Variants in PPFIA4 observed in about 807,000 individuals in gnomAD.
PPFIA4 encodes the protein liprin-alpha-4.
Under a neutral mutation model 145.7 loss-of-function variants are expected in PPFIA4, and 98 were observed. The observed-to-expected ratio is 0.67, with a 90% CI of 0.57 to 0.80. The LOEUF is 0.80. PPFIA4 is among the 30% of genes least tolerant of loss of function. PPFIA4 has a pLI of 0.00. For missense variants in PPFIA4, 1,457 were observed against 1,632.7 expected (o/e 0.89, Z 1.85); for synonymous variants, 628 against 649.6 (o/e 0.97, Z 0.51).
At chr1:203,063,715 C>T in intron 24 of PPFIA4, 113 bp from the exon 25 acceptor site, 1 of 1,055,696 alleles carries the variant, frequency 9.5e-7, no homozygotes, top group Non-Finnish European at 1.4e-6. Flanking sequence ...ACTGCCCTTC[C>T]TCCCTCATGG....
In PPFIA4 at chr1:203,045,508, C is replaced by A; in HGVS notation, c.807C>A (p.Asp269Glu). 1 of 1,607,704 alleles carries A rather than the reference C, an allele frequency of 6.2e-7. No homozygotes were observed. The highest frequency in any genetic ancestry group is 1.1e-5 in the South Asian group (1 of 89,860). The stretch of plus-strand genomic sequence containing the variant: ...AGGACCTGGGCACGGCCCGCCGGGA[C>A]CTCATCAAGTCGGAGGAGCTGAGCA... ...LEEDLGTARR[D>E]LIKSEELSSK... Residue 269 changes from aspartate (D) to glutamate (E), a missense_variant, in exon 7 of 30, where the codon GAC (aspartate) becomes GAA (glutamate). This residue lies in a region of PPFIA4 where 463 missense variants were observed against 459.8 expected (regional missense o/e 1.01). Transcript: ENST00000295706.
chr1:203,045,747 G>T lies in PPFIA4; in HGVS notation c.859-94G>T. 3.2e-6 allele frequency: 5 copies of T among 1,576,330 alleles called. No homozygotes were observed. In the South Asian group the frequency reaches 5.7e-5, roughly 18 times the overall value. On this transcript the variant is annotated intron_variant, in intron 7 of 29. Coordinates refer to ENST00000295706, the MANE Select transcript of PPFIA4 (RefSeq NM_001304331.2). ...GAGAGTGTAGCTCATGCCCCTTAAT[G>T]GGTTCCAATCAGCCAGGTGTGGGTG...
chr1:203,039,196 A>C lies in PPFIA4; in HGVS notation c.188A>C (p.His63Pro). 1.9e-6 allele frequency: 3 copies of C among 1,606,510 alleles called. No individual in the cohort carries two copies. Among genetic ancestry groups the C allele is most frequent in the Non-Finnish European group, 2.5e-6 (3 of 1,177,228 alleles). Residue 63 changes from histidine (H) to proline (P), a missense_variant, in exon 2 of 30, where the codon CAC (histidine) becomes CCC (proline). Physicochemically the swap from His to Pro is moderately conservative, Grantham distance 77. Coordinates refer to ENST00000295706, the MANE Select transcript of PPFIA4 (RefSeq NM_001304331.2). ...ATQSRLQDAI[H>P]ERDQLQRHLN... ...CAGAGCCGGCTCCAGGATGCCATAC[A>C]CGAGCGGGACCAGCTCCAGCGCCAC...
chr1:203,046,149 G>A (rs1307621572), intron 8 of PPFIA4, 99 bp from the exon 9 acceptor site: 24 of 1,539,390 alleles, frequency 1.6e-5, no homozygotes, highest in Non-Finnish European at 1.9e-5. Flanking sequence ...ATTGTCCCTT[G>A]CTGCTTCTGA....
In PPFIA4 at chr1:203,043,283, G is replaced by T; in HGVS notation, c.235-114G>T. On this transcript the variant is annotated intron_variant, in intron 2 of 29. Coordinates refer to ENST00000295706, the MANE Select transcript of PPFIA4 (RefSeq NM_001304331.2). This position sits in a 1 kb window ranked among gnomAD's most constrained non-coding sequence, Gnocchi z 4.4. Reference sequence around the variant, plus strand: ...AGTGTGGATGGATTGGGATTTTGTGGGGGAGGTGGTGGAAGTAAGGGATGG... The same window carrying T: ...AGTGTGGATGGATTGGGATTTTGTGTGGGAGGTGGTGGAAGTAAGGGATGG... 1.2e-6 allele frequency: 1 copy of T among 854,394 alleles called. No homozygotes were observed. The highest frequency in any genetic ancestry group is 1.9e-6 in the Non-Finnish European group (1 of 529,908). The allele number at this position is 854,394 out of a possible 1,614,324, so 52.9% of individuals were successfully genotyped here.
chr1:203,049,962 C>T (rs1008912681), intron 13 of PPFIA4, among the ~76,000 whole-genome samples, 195 bp downstream of exon 13: 5 of 152,164 alleles, frequency 3.3e-5, no homozygotes, highest in Admixed American at 2.0e-4. Context: ...ACCTGTCCTC[C>T]GAGGGCTGCT....
chr1:203,044,590 T>C lies in PPFIA4; in HGVS notation c.577-106T>C, dbSNP rs2102632826. 4 of 1,398,050 alleles carry C rather than the reference T, an allele frequency of 2.9e-6. No homozygotes were observed. The South Asian group carries it at 5.5e-5, about 19-fold the overall frequency. 86.6% of individuals were successfully genotyped at this position (1,398,050 alleles called of 1,614,324 possible). ...TAGGCAAGGCTAGGCTGAGCACCTC[T>C]TTCTAGGAGACATTTTTTAACTAAG... On this transcript the variant is annotated intron_variant, in intron 5 of 29. Coordinates refer to ENST00000295706, the MANE Select transcript of PPFIA4 (RefSeq NM_001304331.2).
intron 28 of PPFIA4, among the ~76,000 whole-genome samples, chr1:203,073,361 G>A (rs1398885612): frequency 6.6e-6 from 1 of 152,194 alleles, no homozygotes; most frequent in Admixed American, 6.5e-5. Context: ...TCCAGACATT[G>A]GGGTGGAGTT....
chr1:203,033,139 CT>C lies in PPFIA4; in HGVS notation c.-399-5470del. The stretch of plus-strand genomic sequence containing the variant: ...TATACTTCTCAGAACTGTTTCATGT[CT>C]GTTACCTCTTTGAGCCTCATGACAA... On this transcript the variant is annotated intron_variant, in intron 1 of 29. Transcript: ENST00000295706. 2.0e-5 allele frequency among the ~76,000 whole-genome samples: 3 copies of C among 152,308 alleles called. No homozygotes were observed. In the South Asian group the frequency reaches 6.2e-4, roughly 32 times the overall value.
Position 203,056,278 on chromosome 1 carries a change from C to T in PPFIA4, c.2107-97C>T, listed in dbSNP as rs1476150670. ...ACTCAGAGAGGCACCCAGGGCCTCC[C>T]CACTGCATTTCTCCATGCTCCGCCA... On this transcript the variant is annotated intron_variant, in intron 17 of 29. Transcript: ENST00000295706. 9.4e-6 allele frequency: 15 copies of T among 1,598,012 alleles called. No individual in the cohort carries two copies. In the East Asian group the frequency reaches 3.1e-4, roughly 33 times the overall value.
chr1:203,061,557 T>C (rs2270543), intron 23 of PPFIA4, 95 bp from the exon 24 acceptor site: 693,610 of 1,273,080 alleles, frequency 0.54, 191,083 homozygotes, highest in South Asian at 0.6. Flanking sequence ...GATACTGGGA[T>C]GTCTTTTTCC....
chr1:203,042,433 T>C (rs950483869), intron 2 of PPFIA4, among the ~76,000 whole-genome samples: 2 of 152,180 alleles, frequency 1.3e-5, no homozygotes, highest in African/African-American at 4.8e-5. Context: ...ATGTAGCCCT[T>C]GCTTGGTTGA....
Position 203,045,876 on chromosome 1 carries a change from TA to T in PPFIA4, c.895del (p.Thr299LeufsTer117), listed in dbSNP as rs754652495. ...AQKEDMEERI[T>X]TLEKRYLAAQ... ...AGAAGGAGGACATGGAAGAGCGGAT[TA>T]CTACACTGGAGAAGCGCTACCTGGC... On this transcript the variant is annotated frameshift_variant, in exon 8 of 30. Coordinates refer to ENST00000295706, the MANE Select transcript of PPFIA4 (RefSeq NM_001304331.2). LOFTEE classifies it high-confidence loss of function. 1 of 1,612,836 alleles carries T rather than the reference TA, an allele frequency of 6.2e-7. No homozygotes were observed. The highest frequency in any genetic ancestry group is 1.7e-5 in the Admixed American group (1 of 60,018).
chr1:203,058,520 C>T (rs184210062), intron 19 of PPFIA4, among the ~76,000 whole-genome samples: 1 of 152,310 alleles, frequency 6.6e-6, no homozygotes, highest in East Asian at 1.9e-4. Flanking sequence ...CACACGTTGG[C>T]ACCTAAACCT....
intron 28 of PPFIA4, 59 bp downstream of exon 28, chr1:203,071,819 G>C (rs1487921711): frequency 7.1e-7 from 1 of 1,414,834 alleles, no homozygotes; most frequent in Non-Finnish European, 9.9e-7. Context: ...GTTGGATTGA[G>C]GTTCATGAGT....
chr1:203,067,687 G>T lies in PPFIA4; in HGVS notation c.3051-8G>T. On this transcript the variant is annotated splice_polypyrimidine_tract_variant and splice_region_variant and intron_variant, in intron 25 of 29. Transcript: ENST00000295706. Reference sequence around the variant, plus strand: ...TGAGGCTCTGGCTTGGGGGCTGTGTGCCTGCAGAACCAGTCTTCAGTATGG... The same window carrying T: ...TGAGGCTCTGGCTTGGGGGCTGTGTTCCTGCAGAACCAGTCTTCAGTATGG... The T allele has an allele frequency of 2.5e-6, 4 of 1,613,456 alleles. No homozygotes were observed. The highest frequency in any genetic ancestry group is 3.4e-6 in the Non-Finnish European group (4 of 1,179,516).
In PPFIA4 at chr1:203,051,834, G is replaced by T. The variant is rs1360832819; in HGVS notation, c.1577G>T (p.Gly526Val). 3 of 1,613,730 alleles carry T rather than the reference G, an allele frequency of 1.9e-6. No homozygotes were observed. The highest frequency in any genetic ancestry group is 3.3e-5 in the Admixed American group (2 of 59,982). ...SLGTTTHAPP[G>V]VHRRYSALRE... is the part of the protein sequence containing the mutation. Reference sequence around the variant, plus strand: ...GGCACAACCACACACGCACCCCCAGGCGTGCATCGCCGCTACTCGGCATTG... The same window carrying T: ...GGCACAACCACACACGCACCCCCAGTCGTGCATCGCCGCTACTCGGCATTG... Residue 526 changes from glycine to valine, a missense_variant, in exon 14 of 30, where the codon GGC (glycine) becomes GTC (valine). Coordinates refer to ENST00000295706, the MANE Select transcript of PPFIA4 (RefSeq NM_001304331.2).
chr1:203,039,280 C>T lies in PPFIA4; in HGVS notation c.234+38C>T. 4.1e-6 allele frequency: 6 copies of T among 1,467,204 alleles called. No individual in the cohort carries two copies. In the South Asian group the frequency reaches 8.0e-5, roughly 20 times the overall value. 90.9% of individuals were successfully genotyped at this position (1,467,204 alleles called of 1,614,324 possible). ...GGCCTGCGTCTCTCTTAACCCCTTTCCCTCCTCTAGCCCTGCTAGATCCAC... is the reference window on the plus strand; with the variant it reads ...GGCCTGCGTCTCTCTTAACCCCTTTTCCTCCTCTAGCCCTGCTAGATCCAC... On this transcript the variant is annotated intron_variant, in intron 2 of 29. Transcript: ENST00000295706.
rs959696528 is a variant in PPFIA4, at chr1:203,043,282, G to C, written c.235-115G>C. On this transcript the variant is annotated intron_variant, in intron 2 of 29. Transcript: ENST00000295706. This position sits in a 1 kb window ranked among gnomAD's most constrained non-coding sequence, Gnocchi z 4.4. ...CAGTGTGGATGGATTGGGATTTTGT[G>C]GGGGAGGTGGTGGAAGTAAGGGATG... 2.4e-5 allele frequency: 20 copies of C among 847,150 alleles called. No individual in the cohort carries two copies. Among genetic ancestry groups the C allele is most frequent in the Non-Finnish European group, 3.1e-5 (16 of 523,922 alleles). The allele number at this position is 847,150 out of a possible 1,614,324, so 52.5% of individuals were successfully genotyped here. A position where few individuals can be genotyped will look rare whatever the true frequency, so the allele number is the denominator to read the frequency against.
Sources: gnomAD v4.1 joint callset for allele counts (sites outside exome capture counted in the v4.1 genomes callset) on GRCh38, gnomAD v4.1.1 for gene constraint, gnomAD v4.1.1 regional missense constraint, Gnocchi (gnomAD v3.1) non-coding constraint, MANE v1.5 for transcripts, NCBI Gene and HGNC (gene_info 2026-07-23, HGNC 2026-07-21) for gene names.